DLG1: variants seen among roughly 807,000 people sequenced by gnomAD.
DLG1 encodes the protein disks large homolog 1.
A neutral mutation model predicts 123.4 loss-of-function variants in DLG1; 42 were observed. That is an observed-to-expected ratio of 0.34 (90% confidence interval 0.27 to 0.44). The LOEUF (loss-of-function observed/expected upper bound fraction) is 0.44, where lower values mean the gene tolerates loss of function less well. DLG1 is among the 20% of genes least tolerant of loss of function. DLG1 has a pLI of 1.00. For synonymous variants in DLG1, 317 were observed against 356.2 expected (o/e 0.89, Z 1.24); for missense variants, 942 against 1,082.6 (o/e 0.87, Z 1.82).
chr3:197,180,913 T>G (rs1809934931), intron 5 of DLG1, among the ~76,000 whole-genome samples: 1 of 152,130 alleles, frequency 6.6e-6, no homozygotes. Flanking sequence ...ATTAATTAAT[T>G]CTATAAGCAT....
At chr3:197,121,480 G>C (rs1287153658) in intron 11 of DLG1, among the ~76,000 whole-genome samples, 1 of 152,018 alleles carries the variant, frequency 6.6e-6, no homozygotes, top group Non-Finnish European at 1.5e-5. Context: ...CAGCTAAAGA[G>C]AATATAAGTT....
chr3:197,045,107 A>ATTTT (rs575412942), intron 24 of DLG1, among the ~76,000 whole-genome samples: 1 of 144,586 alleles, frequency 6.9e-6, no homozygotes, highest in African/African-American at 2.5e-5. Context: ...TGTAAGGATA[A>ATTTT]TTTTTTTTTT....
chr3:197,151,366 T>C (rs1432620578), intron 5 of DLG1, among the ~76,000 whole-genome samples: 1 of 152,184 alleles, frequency 6.6e-6, no homozygotes, highest in Non-Finnish European at 1.5e-5. Flanking sequence ...ATACCATAAT[T>C]ATTATGTTAG....
intron 4 of DLG1, among the ~76,000 whole-genome samples, chr3:197,221,321 C>T (rs969822405): frequency 3.3e-5 from 5 of 152,018 alleles, no homozygotes; most frequent in Non-Finnish European, 7.4e-5. Context: ...AGTTCGAGAC[C>T]AGCCTGGCCA....
chr3:197,156,069 CT>C (rs1796293123), intron 5 of DLG1, among the ~76,000 whole-genome samples: 1 of 152,164 alleles, frequency 6.6e-6, no homozygotes, highest in South Asian at 2.1e-4. Context: ...CATATTTTGT[CT>C]CCTACATAAT....
intron 3 of DLG1, among the ~76,000 whole-genome samples, chr3:197,293,694 T>A (rs907532704): frequency 4.6e-5 from 7 of 151,890 alleles, no homozygotes; most frequent in Non-Finnish European, 1.0e-4. Context: ...AATCAATAAA[T>A]GATCAATGCA....
At chr3:197,279,357 A>C (rs1768058664) in intron 4 of DLG1, among the ~76,000 whole-genome samples, 3 of 152,184 alleles carry the variant, frequency 2.0e-5, no homozygotes, top group Non-Finnish European at 4.4e-5. Context: ...ATAAGATGGT[A>C]CTTCCTACTA....
intron 24 of DLG1, among the ~76,000 whole-genome samples, chr3:197,047,971 T>C (rs1724550058): frequency 6.6e-6 from 1 of 152,098 alleles, no homozygotes; most frequent in African/African-American, 2.4e-5. Flanking sequence ...AGGCAACCTA[T>C]GGAAGAGGAG....
In DLG1 at chr3:197,237,784, C is replaced by T. The variant is rs562344997; in HGVS notation, c.319-43195G>A. Reference sequence around the variant, plus strand: ...TATCCAGCAGTAACAAGGTGCACAACCCTACTTCTACATACTGTCACATGA... The same window carrying T: ...TATCCAGCAGTAACAAGGTGCACAATCCTACTTCTACATACTGTCACATGA... On this transcript the variant is annotated intron_variant, in intron 4 of 24. Coordinates refer to ENST00000667157, the MANE Select transcript of DLG1 (RefSeq NM_001366207.1). Among the ~76,000 whole-genome samples the T allele has an allele frequency of 4.6e-5, 7 of 152,328 alleles. No homozygotes were observed. The East Asian group carries it at 7.7e-4, about 17-fold the overall frequency.
chr3:197,268,014 T>C (rs970922145), intron 4 of DLG1, among the ~76,000 whole-genome samples: 1 of 152,230 alleles, frequency 6.6e-6, no homozygotes, highest in African/African-American at 2.4e-5. Context: ...TGTTAGTATT[T>C]ATTCTCTGAT....
chr3:197,279,348 T>C (rs928687633), intron 4 of DLG1, among the ~76,000 whole-genome samples: 3 of 152,218 alleles, frequency 2.0e-5, no homozygotes, highest in African/African-American at 7.2e-5. Context: ...GTCATCTCTA[T>C]AAGATGGTAC....
chr3:197,214,759 T>A lies in DLG1; in HGVS notation c.319-20170A>T, dbSNP rs143913593. ...GAAATTTATAATAAAGTCTTACAAA[T>A]CAATTTTTAAAAAACGAAAAAGAAA... On this transcript the variant is annotated intron_variant, in intron 4 of 24. Transcript: ENST00000667157. Among the ~76,000 whole-genome samples the A allele has an allele frequency of 8.5e-3, 1,287 of 152,096 alleles. 18 individuals are homozygous for A. The highest frequency in any genetic ancestry group is 0.029 in the African/African-American group (1,220 of 41,484).
At chr3:197,107,572 CAA>C in intron 13 of DLG1, among the ~76,000 whole-genome samples, 1 of 142,866 alleles carries the variant, frequency 7.0e-6, no homozygotes. Flanking sequence ...AAACCAAACC[CAA>C]AAAAAAAAGG....
chr3:197,201,667 T>C (rs933049141), intron 4 of DLG1, among the ~76,000 whole-genome samples: 6 of 152,164 alleles, frequency 3.9e-5, no homozygotes, highest in Admixed American at 1.3e-4. Flanking sequence ...AAATACATTG[T>C]AGATGACACA....
Position 197,051,660 on chromosome 3 carries a change from T to C in DLG1, c.2492A>G (p.Asn831Ser), listed in dbSNP as rs1727805957. Residue 831 changes from asparagine (N) to serine (S), a missense_variant, in exon 24 of 25, where the codon AAT (asparagine) becomes AGT (serine). Asn to Ser is a conservative substitution (Grantham distance 46, BLOSUM62 1). Transcript: ENST00000667157. ...PKSMENIMEM[N>S]KRLTEEQARK... Reference sequence around the variant, plus strand: ...GGCTTGTTCTTCTGTTAGACGCTTATTCATTTCCCTACGAAAATAAATGTA... The same window carrying C: ...GGCTTGTTCTTCTGTTAGACGCTTACTCATTTCCCTACGAAAATAAATGTA... 6.2e-7 allele frequency: 1 copy of C among 1,611,774 alleles called. No homozygotes were observed. Among genetic ancestry groups the C allele is most frequent in the Non-Finnish European group, 8.5e-7 (1 of 1,178,380 alleles).
chr3:197,141,613 C>G (rs1163802293), intron 7 of DLG1, among the ~76,000 whole-genome samples: 1 of 152,150 alleles, frequency 6.6e-6, no homozygotes, highest in Non-Finnish European at 1.5e-5. Flanking sequence ...AGTATACACA[C>G]ATTTAGTTAC....
At chr3:197,277,224 T>A (rs1238827520) in intron 4 of DLG1, among the ~76,000 whole-genome samples, 1 of 151,940 alleles carries the variant, frequency 6.6e-6, no homozygotes, top group East Asian at 1.9e-4. Context: ...TTTTTTTTTT[T>A]AACCTTTGAA....
rs536518334 is a variant in DLG1 at position 197,092,284 on chromosome 3, A to G, written c.1547-1258T>C. On this transcript the variant is annotated intron_variant, in intron 14 of 24. Coordinates refer to ENST00000667157, the MANE Select transcript of DLG1 (RefSeq NM_001366207.1). ...TTAAGCTCTCCTATTTTAGCGTTGTATCTGCTTTCTTGGATATGAGTAATT... is the reference window on the plus strand; with the variant it reads ...TTAAGCTCTCCTATTTTAGCGTTGTGTCTGCTTTCTTGGATATGAGTAATT... Among the ~76,000 whole-genome samples, 7 of 152,092 alleles carry G rather than the reference A, an allele frequency of 4.6e-5. No homozygotes were observed. The East Asian group carries it at 1.3e-3, about 29-fold the overall frequency.
chr3:197,238,167 C>T (rs1291019286), intron 4 of DLG1, among the ~76,000 whole-genome samples: 2 of 152,092 alleles, frequency 1.3e-5, no homozygotes, highest in African/African-American at 4.8e-5. Flanking sequence ...GTCAGAGCAG[C>T]GTCAGAGAAA....
Sources: allele counts gnomAD v4.1 joint callset (sites outside exome capture counted in the v4.1 genomes callset), GRCh38; gene constraint gnomAD v4.1.1; transcripts MANE v1.5; gene names NCBI Gene and HGNC (gene_info 2026-07-23, HGNC 2026-07-21).